Variants in CFAP92 observed in about 807,000 individuals in gnomAD.
CFAP92 encodes the protein uncharacterized protein CFAP92.
A neutral mutation model predicts 106.3 loss-of-function variants in CFAP92; 86 were observed. The ratio of observed to expected loss-of-function variants is 0.81; its 90% CI spans 0.68 to 0.97. The LOEUF (loss-of-function observed/expected upper bound fraction) is 0.97, where lower values mean the gene tolerates loss of function less well. Ranked by LOEUF, CFAP92 falls within the 50% of genes least tolerant of loss-of-function variation. The pLI is 0.00. For missense variants in CFAP92, 1,204 were observed against 1,283.8 expected, an observed-to-expected ratio of 0.94 and a Z score of 0.95; for synonymous variants, 477 against 506.4, an observed-to-expected ratio of 0.94 and a Z score of 0.78.
At chr3:129,000,353 A>G (rs1315511279) in intron 1 of CFAP92, among the ~76,000 whole-genome samples, 3 of 152,230 alleles carry the variant, frequency 2.0e-5, no homozygotes, top group Non-Finnish European at 4.4e-5. Flanking sequence ...GAATTTGCCA[A>G]ATGGACAACG....
the CFAP92 span, among the ~76,000 whole-genome samples, chr3:129,022,865 G>C: frequency 1.3e-5 from 2 of 152,232 alleles, no homozygotes; most frequent in Non-Finnish European, 2.9e-5. Context: ...TCGCGGGCCG[G>C]AAAGCACAGG....
In CFAP92 at chr3:128,988,849, G is replaced by A. The variant is rs768517785; in HGVS notation, c.332C>T (p.Thr111Ile). Residue 111 changes from threonine (T) to isoleucine (I), a missense_variant, in exon 3 of 16, where the codon ACA (threonine) becomes ATA (isoleucine). Thr to Ile is a moderately conservative substitution (Grantham distance 89). Transcript: ENST00000645291. ...KKHPKTDSSV[T>I]KMRRFYHIEY... ...AATGTGGTAAAAACGACGCATCTTTGTAACAGAACTGTCTGTTTTAGGGTG... is the reference window on the plus strand; with the variant it reads ...AATGTGGTAAAAACGACGCATCTTTATAACAGAACTGTCTGTTTTAGGGTG... The A allele has an allele frequency of 4.3e-6, 7 of 1,613,778 alleles. No homozygotes were observed. The East Asian group carries it at 1.6e-4, about 36-fold the overall frequency.
chr3:128,967,653 G>T (rs534702886), intron 8 of CFAP92: 1 of 149,338 alleles, frequency 6.7e-6, no homozygotes, highest in East Asian at 2.0e-4. Context: ...GGTGAGCTGA[G>T]ATCGCGCCAT....
intron 4 of CFAP92, among the ~76,000 whole-genome samples, chr3:128,982,879 C>T (rs1253466896): frequency 6.6e-6 from 1 of 152,232 alleles, no homozygotes; most frequent in Non-Finnish European, 1.5e-5. Context: ...GTTTCACACA[C>T]ATGCAGTTCG....
intron 12 of CFAP92, among the ~76,000 whole-genome samples, chr3:128,927,067 T>C (rs771789797): frequency 4.6e-4 from 70 of 151,994 alleles, no homozygotes; most frequent in Middle Eastern, 6.8e-3. Flanking sequence ...GCACTCCAGC[T>C]TGGTGACAAA....
At chr3:128,969,669 TCA>T (rs1202235987) in intron 8 of CFAP92, 1 of 152,078 alleles carries the variant, frequency 6.6e-6, no homozygotes, top group Non-Finnish European at 1.5e-5. Context: ...CTTTTTCCTC[TCA>T]CAGTAAAATC....
At chr3:129,011,287 A>G in the CFAP92 span, among the ~76,000 whole-genome samples, 1 of 152,222 alleles carries the variant, frequency 6.6e-6, no homozygotes, top group Admixed American at 6.5e-5. Flanking sequence ...GTGGTGGCTC[A>G]CGCCTGTAAT....
In CFAP92 at chr3:128,945,478, G is replaced by T; in HGVS notation, c.1851C>A (p.His617Gln). 1 of 1,536,126 alleles carries T rather than the reference G, an allele frequency of 6.5e-7. No homozygotes were observed. Among genetic ancestry groups the T allele is most frequent in the Non-Finnish European group, 8.7e-7 (1 of 1,146,892 alleles). Residue 617 changes from histidine (H) to glutamine (Q), a missense_variant, in exon 10 of 16, where the codon CAC becomes CAA. Physicochemically the swap from His to Gln is conservative, Grantham distance 24 (BLOSUM62 0). Coordinates refer to ENST00000645291, the MANE Select transcript of CFAP92 (RefSeq NM_001394090.1). ...GLGVPRDGHQ[H>Q]GPMPRGNYLE... ...GGTAGTTGCCCCTGGGCATTGGGCCGTGCTGGTGGCCATCTCTGGGGACCC... is the reference window on the plus strand; with the variant it reads ...GGTAGTTGCCCCTGGGCATTGGGCCTTGCTGGTGGCCATCTCTGGGGACCC...
intron 2 of CFAP92, 28 bp downstream of exon 2, chr3:128,993,015 G>T: frequency 1.2e-6 from 2 of 1,609,640 alleles, no homozygotes; most frequent in Non-Finnish European, 1.7e-6. Flanking sequence ...TTTTTCAGAG[G>T]GTGTTAAACT....
In CFAP92 at chr3:128,945,838, G is replaced by C. The variant is rs1269190104; in HGVS notation, c.1491C>G (p.Asp497Glu). ...VIFLGALHPS[D>E]LREYLEGPPM... ...GGGGGCCCTCCAGGTATTCCCTTAG[G>C]TCACTGGGGTGCAGTGCCCCAAGGA... The change falls in exon 10 of 16, where the codon GAC (aspartate) becomes GAG (glutamate). Residue 497 changes from aspartate to glutamate, a missense_variant. By Grantham distance (45) the Asp-to-Glu change is conservative. Transcript: ENST00000645291. 6.6e-7 allele frequency: 1 copy of C among 1,511,904 alleles called. No individual in the cohort carries two copies. Among genetic ancestry groups the C allele is most frequent in the East Asian group, 2.5e-5 (1 of 40,810 alleles). 93.7% of individuals were successfully genotyped at this position (1,511,904 alleles called of 1,614,324 possible). A position where few individuals can be genotyped will look rare whatever the true frequency, so the allele number is the denominator to read the frequency against.
At chr3:128,947,866 A>G (rs545921759) in intron 9 of CFAP92, among the ~76,000 whole-genome samples, 1 of 152,278 alleles carries the variant, frequency 6.6e-6, no homozygotes, top group African/African-American at 2.4e-5. Context: ...GAAGATATAA[A>G]TGTTAACTAT....
chr3:128,913,652 G>C (rs952659677), intron 15 of CFAP92, among the ~76,000 whole-genome samples: 4 of 152,184 alleles, frequency 2.6e-5, no homozygotes, highest in Admixed American at 2.6e-4. Context: ...AATAGGCAAG[G>C]AGGAGACTGG....
chr3:128,994,996 C>T (rs1329265061), upstream of CFAP92, among the ~76,000 whole-genome samples: 1 of 152,166 alleles, frequency 6.6e-6, no homozygotes, highest in Non-Finnish European at 1.5e-5. Flanking sequence ...TGGTACATAG[C>T]CCCACAGGGC....
Position 128,993,111 on chromosome 3 carries a change from A to C in CFAP92, c.194T>G (p.Phe65Cys), listed in dbSNP as rs1471389817. ...GACCACGTGGGGCACGTCGGAGCTG[A>C]AAGTGCTGGCAGGCTCAGATGAGGA... ...IESSSEPAST[F>C]SSDVPHVVPC... The change falls in exon 2 of 16, where the codon TTC (phenylalanine) becomes TGC (cysteine). Residue 65 changes from phenylalanine to cysteine, a missense_variant. Coordinates refer to ENST00000645291, the MANE Select transcript of CFAP92 (RefSeq NM_001394090.1). 1.2e-6 allele frequency: 2 copies of C among 1,614,102 alleles called. No individual in the cohort carries two copies. The highest frequency in any genetic ancestry group is 1.7e-6 in the Non-Finnish European group (2 of 1,179,910).
intron 4 of CFAP92, among the ~76,000 whole-genome samples, chr3:128,979,509 C>T (rs1042139414): frequency 1.3e-5 from 2 of 152,114 alleles, no homozygotes; most frequent in African/African-American, 4.8e-5. Flanking sequence ...ATGTTTATTG[C>T]AGCACTATTC....
At position 128,932,574 on chromosome 3, in the gene CFAP92, G is replaced by A. The variant is rs150408899; in HGVS notation, c.2751+126C>T. The A allele has an allele frequency of 1.6e-4, 156 of 954,628 alleles. No individual in the cohort carries two copies. In the African/African-American group the frequency reaches 1.7e-3, roughly 10 times the overall value. The allele number at this position is 954,628 out of a possible 1,614,324, so 59.1% of individuals were successfully genotyped here. On this transcript the variant is annotated intron_variant, in intron 12 of 15. Coordinates refer to ENST00000645291, the MANE Select transcript of CFAP92 (RefSeq NM_001394090.1). ...TTGCCCATCCAGCAGGGTAGCCCAGGCCAGGAGCGCAGGCACGACCAGAGG... is the reference window on the plus strand; with the variant it reads ...TTGCCCATCCAGCAGGGTAGCCCAGACCAGGAGCGCAGGCACGACCAGAGG...
At chr3:128,912,492 C>T in intron 15 of CFAP92, 1 of 1,609,898 alleles carries the variant, frequency 6.2e-7, no homozygotes, top group Non-Finnish European at 8.5e-7. Context: ...CACCATCTCT[C>T]CTTTTCCTTC....
At chr3:128,944,245 T>C (rs1939976605) in intron 10 of CFAP92, among the ~76,000 whole-genome samples, 1 of 151,910 alleles carries the variant, frequency 6.6e-6, no homozygotes, top group South Asian at 2.1e-4. Context: ...TTTTCACTTT[T>C]TGACTATTAT....
At chr3:128,970,505 A>C (rs1231336213) in intron 8 of CFAP92, 1 of 150,848 alleles carries the variant, frequency 6.6e-6, no homozygotes, top group South Asian at 2.1e-4. Context: ...AATTTTCTCT[A>C]AAAAGAAAAA....
Sources: gnomAD v4.1 joint callset for allele counts (sites outside exome capture counted in the v4.1 genomes callset) on GRCh38, gnomAD v4.1.1 for gene constraint, MANE v1.5 for transcripts, NCBI Gene and HGNC (gene_info 2026-07-23, HGNC 2026-07-21) for gene names.